BCAS1: variants seen among roughly 807,000 people sequenced by gnomAD.
The protein encoded by BCAS1 is breast carcinoma-amplified sequence 1.
BCAS1 carries 46 observed loss-of-function variants against 65.4 expected under a neutral mutation model. The ratio of observed to expected loss-of-function variants is 0.70; its 90% confidence interval spans 0.55 to 0.90. The LOEUF (loss-of-function observed/expected upper bound fraction) is 0.90, where lower values mean the gene tolerates loss of function less well. Among genes scored for constraint, BCAS1 ranks in the 40% least tolerant of loss-of-function variants. The probability of loss-of-function intolerance (pLI) is 0.00; values close to 1 mark genes in which losing one functional copy is unlikely to be tolerated. For synonymous variants in BCAS1, 298 were observed against 293.5 expected (o/e 1.02, Z -0.16); for missense variants, 793 against 771.2 (o/e 1.03, Z -0.33).
At chr20:54,059,010 G>A (rs2146334523) in intron 1 of BCAS1, among the ~76,000 whole-genome samples, 1 of 152,278 alleles carries the variant, frequency 6.6e-6, no homozygotes. Context: ...CAGGACACCA[G>A]AAGAATGAGT....
At chr20:53,973,616 A>C (rs375995549) in intron 9 of BCAS1, among the ~76,000 whole-genome samples, 2 of 152,358 alleles carry the variant, frequency 1.3e-5, no homozygotes, top group East Asian at 3.9e-4. Flanking sequence ...CAAAGCTAAC[A>C]GATGCTACAG....
At chr20:53,990,247 T>C (rs2090721617) in intron 7 of BCAS1, among the ~76,000 whole-genome samples, 1 of 152,180 alleles carries the variant, frequency 6.6e-6, no homozygotes, top group Non-Finnish European at 1.5e-5. Flanking sequence ...TTTTGGGGCA[T>C]GGCAAAGGCA....
rs182491651 is a variant in BCAS1 at position 54,066,378 on chromosome 20, G to A, written c.-6+4055C>T. Reference sequence around the variant, plus strand: ...TGAGCCACCGGGCCCGGCCGAGGCAGGTATTTTTATTGTCCCCATTTTACA... The same window carrying A: ...TGAGCCACCGGGCCCGGCCGAGGCAAGTATTTTTATTGTCCCCATTTTACA... On this transcript the variant is annotated intron_variant, in intron 1 of 12. Transcript: ENST00000688948. Among the ~76,000 whole-genome samples the A allele has an allele frequency of 3.3e-5, 5 of 152,226 alleles. No individual in the cohort carries two copies. The East Asian group carries it at 9.7e-4, about 29-fold the overall frequency.
rs146757770 is a variant in BCAS1 at position 53,976,898 on chromosome 20, A to G, written c.1276-1468T>C. ...AGCTTCTGATTATCAGGAAATTGTA[A>G]TGTGTTCAGAAGAAATTAGCAGTAG... On this transcript the variant is annotated intron_variant, in intron 8 of 12. Transcript: ENST00000688948. Among the ~76,000 whole-genome samples, 387 of 152,348 alleles carry G rather than the reference A, an allele frequency of 2.5e-3. 2 individuals carry two copies. Among genetic ancestry groups the G allele is most frequent in the African/African-American group, 9.1e-3 (379 of 41,582 alleles).
chr20:53,996,247 G>A (rs897857153), intron 4 of BCAS1, among the ~76,000 whole-genome samples, 197 bp from the exon 5 acceptor site: 2 of 152,070 alleles, frequency 1.3e-5, no homozygotes, highest in Non-Finnish European at 2.9e-5. Context: ...TTCAGCATTT[G>A]CTGTTGGTTG....
chr20:53,967,592 G>A (rs1363578334), intron 9 of BCAS1, among the ~76,000 whole-genome samples: 2 of 152,212 alleles, frequency 1.3e-5, no homozygotes, highest in African/African-American at 4.8e-5. Context: ...CTCATTAAGC[G>A]ATATCTAATT....
chr20:54,027,552 A>G (rs998313458), intron 4 of BCAS1, among the ~76,000 whole-genome samples: 1 of 152,180 alleles, frequency 6.6e-6, no homozygotes, highest in African/African-American at 2.4e-5. Flanking sequence ...CAAGTTTTGA[A>G]AAATATTGTT....
chr20:53,973,651 A>C (rs900677940), intron 9 of BCAS1, among the ~76,000 whole-genome samples: 1 of 152,228 alleles, frequency 6.6e-6, no homozygotes, highest in Non-Finnish European at 1.5e-5. Context: ...TTTTAAACTT[A>C]AAGTTCGTAG....
chr20:54,058,535 G>C, intron 2 of BCAS1, 112 bp downstream of exon 2: 1 of 1,507,544 alleles, frequency 6.6e-7, no homozygotes, highest in Non-Finnish European at 8.8e-7. Flanking sequence ...TGCACACACA[G>C]ACACAATCAA....
chr20:54,059,432 A>T (rs1029401471), intron 1 of BCAS1, among the ~76,000 whole-genome samples: 8 of 151,256 alleles, frequency 5.3e-5, no homozygotes, highest in African/African-American at 1.7e-4. Flanking sequence ...AAATAATAAT[A>T]TTTTTTTCTG....
At chr20:54,059,302 T>C (rs892582581) in intron 1 of BCAS1, among the ~76,000 whole-genome samples, 8 of 152,376 alleles carry the variant, frequency 5.3e-5, no homozygotes, top group South Asian at 4.1e-4. Flanking sequence ...TAATTTTCAG[T>C]TGCATTTCAT....
intron 6 of BCAS1, among the ~76,000 whole-genome samples, chr20:53,994,367 A>G (rs1368331642): frequency 4.6e-5 from 7 of 152,220 alleles, no homozygotes; most frequent in South Asian, 2.1e-4. Flanking sequence ...AACCAAGTTT[A>G]TTTTGAGGAG....
intron 9 of BCAS1, among the ~76,000 whole-genome samples, chr20:53,970,954 C>T (rs118030191): frequency 1.3e-5 from 2 of 152,096 alleles, no homozygotes; most frequent in East Asian, 1.9e-4. Context: ...TATTCTCTCT[C>T]ATCTGCTTAC....
intron 3 of BCAS1, 49 bp downstream of exon 3, chr20:54,058,036 C>A (rs769545843): frequency 5.9e-6 from 8 of 1,353,618 alleles, no homozygotes; most frequent in Admixed American, 3.5e-5. Flanking sequence ...CATCTGCAGA[C>A]CCCCCTTCCC....
chr20:54,068,949 G>T (rs1452180854), intron 1 of BCAS1, among the ~76,000 whole-genome samples: 3 of 151,988 alleles, frequency 2.0e-5, no homozygotes, highest in Non-Finnish European at 4.4e-5. Flanking sequence ...CAGAATCCAT[G>T]GGCTTTAACG....
Position 54,018,280 on chromosome 20 carries a change from C to T in BCAS1, c.723+10112G>A, listed in dbSNP as rs1263582793. On this transcript the variant is annotated intron_variant, in intron 4 of 12. Coordinates refer to ENST00000688948, the MANE Select transcript of BCAS1 (RefSeq NM_001366298.2). ...TCTTTCTTTTTTAAATTGTTGGTCT[C>T]TCCACTAGAAGGAAAGCTCCCATGA... Among the ~76,000 whole-genome samples, 4 of 152,162 alleles carry T rather than the reference C, an allele frequency of 2.6e-5. 1 individual carries two copies. In the South Asian group the frequency reaches 8.3e-4, roughly 31 times the overall value.
chr20:53,999,084 T>TTTATA (rs1465489932), intron 4 of BCAS1, among the ~76,000 whole-genome samples: 1 of 152,218 alleles, frequency 6.6e-6, no homozygotes, highest in Non-Finnish European at 1.5e-5. Context: ...TTTGCTAAAC[T>TTTATA]TATATAGTGT....
intron 1 of BCAS1, among the ~76,000 whole-genome samples, chr20:54,061,632 G>A (rs1338778008): frequency 6.6e-6 from 1 of 152,208 alleles, no homozygotes; most frequent in Non-Finnish European, 1.5e-5. Context: ...CAAAAAAAGG[G>A]TCATGGATCT....
chr20:54,062,782 A>G (rs1269079482), intron 1 of BCAS1, among the ~76,000 whole-genome samples: 1 of 152,210 alleles, frequency 6.6e-6, no homozygotes, highest in Non-Finnish European at 1.5e-5. Context: ...AGGAAAATCT[A>G]ATGGCGTGTC....
Sources: gnomAD v4.1 joint callset for allele counts (sites outside exome capture counted in the v4.1 genomes callset) on GRCh38, gnomAD v4.1.1 for gene constraint, MANE v1.5 for transcripts, NCBI Gene and HGNC (gene_info 2026-07-23, HGNC 2026-07-21) for gene names.